The following TMC1 variants were observed in gnomAD, a reference collection of about 807,000 sequenced individuals.
TMC1 encodes transmembrane channel-like protein 1.
Under a neutral mutation model 105.8 loss-of-function variants are expected in TMC1, and 84 were observed. The ratio of observed to expected loss-of-function variants is 0.79; its 90% CI spans 0.67 to 0.95. TMC1 has a LOEUF of 0.95. Among genes scored for constraint, TMC1 ranks in the 40% least tolerant of loss-of-function variants. The pLI is 0.00. For synonymous variants in TMC1, 315 were observed against 311.5 expected (o/e 1.01, Z -0.12); for missense variants, 817 against 914.1 (o/e 0.89, Z 1.37).
chr9:72,539,567 C>A (rs1163197256), intron 1 of TMC1, among the ~76,000 whole-genome samples: 1 of 152,070 alleles, frequency 6.6e-6, no homozygotes, highest in Admixed American at 6.6e-5. Flanking sequence ...GTAAGTTTCT[C>A]ATTTCCTTCT....
At chr9:72,825,359 T>A (rs1027857269) in intron 20 of TMC1, among the ~76,000 whole-genome samples, 3 of 152,342 alleles carry the variant, frequency 2.0e-5, no homozygotes, top group East Asian at 1.9e-4. Context: ...CTGAGAATAT[T>A]GTATGATAGC....
chr9:72,813,546 G>A (rs1189514363), intron 18 of TMC1, among the ~76,000 whole-genome samples: 1 of 152,176 alleles, frequency 6.6e-6, no homozygotes, highest in Non-Finnish European at 1.5e-5. Context: ...GCTGTAAAGG[G>A]CTAGATAGTA....
chr9:72,543,948 C>CTTT (rs1823721010), intron 1 of TMC1, among the ~76,000 whole-genome samples: 1 of 86,724 alleles, frequency 1.2e-5, no homozygotes, highest in African/African-American at 9.1e-5. Context: ...CTTTTTCTTT[C>CTTT]TTTCTTTTTT....
At position 72,837,811 on chromosome 9, in the gene TMC1, A is replaced by G. The variant is rs892956173; in HGVS notation, c.*1838A>G. On this transcript the variant is annotated 3_prime_UTR_variant, in exon 24 of 24. Coordinates refer to ENST00000297784, the MANE Select transcript of TMC1 (RefSeq NM_138691.3). ...TTGATCACCAAAAGGCAGCCATAGA[A>G]TAATCGCACTGTTTCCCTGCCAGTT... 1 of 152,234 alleles carries G rather than the reference A, an allele frequency of 6.6e-6. No individual in the cohort carries two copies. The highest frequency in any genetic ancestry group is 1.5e-5 in the Non-Finnish European group (1 of 68,054). 9.4% of individuals were successfully genotyped at this position (152,234 alleles called of 1,614,324 possible). A position where few individuals can be genotyped will look rare whatever the true frequency, so the allele number is the denominator to read the frequency against.
At chr9:72,768,715 A>T (rs965913892) in intron 12 of TMC1, among the ~76,000 whole-genome samples, 3 of 152,162 alleles carry the variant, frequency 2.0e-5, no homozygotes, top group Non-Finnish European at 4.4e-5. Flanking sequence ...GTTGAATGGT[A>T]CCTATGCCAG....
intron 8 of TMC1, among the ~76,000 whole-genome samples, chr9:72,703,276 A>G (rs1826676823): frequency 6.6e-6 from 1 of 151,948 alleles, no homozygotes; most frequent in African/African-American, 2.4e-5. Flanking sequence ...ATATGTGCAC[A>G]CTACCATGTT....
chr9:72,740,029 G>C (rs561632942), intron 8 of TMC1, 90 bp from the exon 9 acceptor site: 7 of 977,006 alleles, frequency 7.2e-6, no homozygotes, highest in East Asian at 5.1e-5. Context: ...TAAGACTGCA[G>C]ACCTGGTAAA....
intron 12 of TMC1, among the ~76,000 whole-genome samples, chr9:72,756,329 G>A (rs1827676420): frequency 6.6e-6 from 1 of 152,096 alleles, no homozygotes; most frequent in Non-Finnish European, 1.5e-5. Context: ...TTTAAAAAAA[G>A]GAAAAAAGAT....
chr9:72,823,417 G>A (rs1002511912), intron 20 of TMC1, among the ~76,000 whole-genome samples: 3 of 152,174 alleles, frequency 2.0e-5, no homozygotes, highest in African/African-American at 7.2e-5. Flanking sequence ...GGGCAAGCAG[G>A]AATTTAGGAA....
chr9:72,817,289 G>A (rs1299451253), intron 19 of TMC1: 1 of 152,062 alleles, frequency 6.6e-6, no homozygotes, highest in South Asian at 2.1e-4. Context: ...CCTTTGTCAG[G>A]TAGGTTTAAA....
At chr9:72,769,548 C>T (rs927575395) in intron 12 of TMC1, among the ~76,000 whole-genome samples, 15 of 152,158 alleles carry the variant, frequency 9.9e-5, no homozygotes, top group African/African-American at 3.1e-4. Flanking sequence ...AGTCACTTTT[C>T]CCCGAGGCTA....
intron 14 of TMC1, 22 bp downstream of exon 14, chr9:72,788,505 A>C: frequency 6.2e-7 from 1 of 1,613,522 alleles, no homozygotes; most frequent in Non-Finnish European, 8.5e-7. Flanking sequence ...AACTTCAAAA[A>C]CCTGCTGTTT....
chr9:72,601,711 T>G (rs1205416573), intron 2 of TMC1, among the ~76,000 whole-genome samples: 5 of 151,930 alleles, frequency 3.3e-5, no homozygotes, highest in African/African-American at 1.2e-4. Context: ...GGCATGGTGG[T>G]GCATTCCTGT....
chr9:72,700,380 A>G (rs1000557136), intron 7 of TMC1, 138 bp from the exon 8 acceptor site: 3 of 554,052 alleles, frequency 5.4e-6, no homozygotes, highest in African/African-American at 3.8e-5. Context: ...TTGAGTTCTC[A>G]TGCTTATGGG....
intron 1 of TMC1, among the ~76,000 whole-genome samples, chr9:72,560,303 T>A (rs557651305): frequency 6.6e-6 from 1 of 152,364 alleles, no homozygotes; most frequent in African/African-American, 2.4e-5. Flanking sequence ...TGAAGCAATG[T>A]CTGGATGTAC....
At chr9:72,660,265 C>T (rs1383826304) in intron 5 of TMC1, among the ~76,000 whole-genome samples, 4 of 152,074 alleles carry the variant, frequency 2.6e-5, no homozygotes, top group South Asian at 2.1e-4. Context: ...GTTAAATTTG[C>T]AACTAGCTTG....
chr9:72,553,384 C>T (rs935160116), intron 1 of TMC1, among the ~76,000 whole-genome samples: 5 of 152,124 alleles, frequency 3.3e-5, no homozygotes, highest in Admixed American at 3.3e-4. Context: ...TAACCATCTC[C>T]AGATGAAGAA....
intron 5 of TMC1, among the ~76,000 whole-genome samples, chr9:72,661,934 C>T (rs776353629): frequency 2.0e-5 from 3 of 152,088 alleles, no homozygotes; most frequent in African/African-American, 2.4e-5. Flanking sequence ...ATGATGCAAG[C>T]GTTGCTTGGA....
intron 17 of TMC1, among the ~76,000 whole-genome samples, chr9:72,802,254 T>C (rs112695606): frequency 9.4e-5 from 14 of 149,278 alleles, no homozygotes; most frequent in South Asian, 4.2e-4. Context: ...TACATACATA[T>C]ATACATACAT....
Sources: gnomAD v4.1 joint callset for allele counts (sites outside exome capture counted in the v4.1 genomes callset) on GRCh38, gnomAD v4.1.1 for gene constraint, MANE v1.5 for transcripts, NCBI Gene and HGNC (gene_info 2026-07-23, HGNC 2026-07-21) for gene names.